Variants in ZBTB7C observed in about 807,000 individuals in gnomAD.
ZBTB7C encodes the protein zinc finger and BTB domain-containing protein 7C.
ZBTB7C carries 8 observed loss-of-function variants against 25.7 expected under a neutral mutation model. The ratio of observed to expected loss-of-function variants is 0.31; its 90% CI spans 0.18 to 0.56. The LOEUF (loss-of-function observed/expected upper bound fraction) is 0.56, where lower values mean the gene tolerates loss of function less well. ZBTB7C is among the 20% of genes least tolerant of loss of function. The pLI, the probability that ZBTB7C is intolerant of heterozygous loss-of-function variation, is 0.91. For missense variants in ZBTB7C, 824 were observed against 855.2 expected, an observed-to-expected ratio of 0.96 and a Z score of 0.46; for synonymous variants, 394 against 369.0, an observed-to-expected ratio of 1.07 and a Z score of -0.78.
At chr18:48,231,596 C>G (rs2043253611) in intron 2 of ZBTB7C, among the ~76,000 whole-genome samples, 1 of 152,202 alleles carries the variant, frequency 6.6e-6, no homozygotes, top group South Asian at 2.1e-4. Flanking sequence ...CCTTGCTCAG[C>G]CTTCACTTGT....
At chr18:48,129,382 G>A (rs1183133142) in intron 3 of ZBTB7C, among the ~76,000 whole-genome samples, 2 of 147,270 alleles carry the variant, frequency 1.4e-5, no homozygotes, top group Non-Finnish European at 3.0e-5. Flanking sequence ...ACATAGCAAT[G>A]CCCAGAAAAC....
intron 3 of ZBTB7C, among the ~76,000 whole-genome samples, chr18:48,083,266 C>T (rs2038059024): frequency 6.6e-6 from 1 of 152,034 alleles, no homozygotes; most frequent in Admixed American, 6.6e-5. Flanking sequence ...TTGAAAAACA[C>T]TGCCTTAAAT....
intron 3 of ZBTB7C, among the ~76,000 whole-genome samples, chr18:48,045,407 T>G (rs903319285): frequency 6.6e-6 from 1 of 152,230 alleles, no homozygotes; most frequent in African/African-American, 2.4e-5. Flanking sequence ...AATAGAGCTG[T>G]GGCTCAATCA....
chr18:48,164,272 G>A (rs988741061), intron 3 of ZBTB7C, among the ~76,000 whole-genome samples: 13 of 152,246 alleles, frequency 8.5e-5, no homozygotes, highest in East Asian at 1.9e-4. Flanking sequence ...GCATGTTCCC[G>A]GTCCCAGCAA....
chr18:48,299,303 C>T (rs567712572), intron 2 of ZBTB7C, among the ~76,000 whole-genome samples: 94 of 152,356 alleles, frequency 6.2e-4, no homozygotes, highest in Non-Finnish European at 8.8e-4. Flanking sequence ...TCCTCACACC[C>T]ATGACATCCT....
At chr18:48,031,512 A>G (rs1291209577) in intron 4 of ZBTB7C, among the ~76,000 whole-genome samples, 1 of 152,008 alleles carries the variant, frequency 6.6e-6, no homozygotes, top group Non-Finnish European at 1.5e-5. Flanking sequence ...TTTCACCTAG[A>G]TGATTGGATT....
At chr18:48,293,486 T>A (rs933698637) in intron 2 of ZBTB7C, among the ~76,000 whole-genome samples, 6 of 152,198 alleles carry the variant, frequency 3.9e-5, no homozygotes, top group Non-Finnish European at 8.8e-5. Context: ...GTCTGGCACT[T>A]AGTATTGTTT....
At chr18:48,354,123 A>T (rs1477604062) in intron 1 of ZBTB7C, among the ~76,000 whole-genome samples, 4 of 152,178 alleles carry the variant, frequency 2.6e-5, no homozygotes, top group African/African-American at 9.6e-5. Context: ...TGTAATTCAC[A>T]TCTGCACACA....
chr18:48,172,954 A>G (rs546113231), intron 3 of ZBTB7C, among the ~76,000 whole-genome samples: 3 of 152,320 alleles, frequency 2.0e-5, no homozygotes, highest in Non-Finnish European at 2.9e-5. Context: ...TGGCACAGCC[A>G]TGAACTCACT....
In ZBTB7C at chr18:48,245,090, G is replaced by GTATATATATATATATATATATATATATA. The variant is rs138848813; in HGVS notation, c.-78-59096_-78-59095insTATATATATATATATATATATATATATA. ...GTGGAAAAAAAAGTAGTGTGTGTGT[G>GTATATATATATATATATATATATATATA]TGTATATATATATACACACACACAC... On this transcript the variant is annotated intron_variant, in intron 2 of 4. Transcript: ENST00000590800. Among the ~76,000 whole-genome samples, 13 of 110,242 alleles carry GTATATATATATATATATATATATATATA rather than the reference G, an allele frequency of 1.2e-4. 1 individual carries two copies. Among genetic ancestry groups the GTATATATATATATATATATATATATATA allele is most frequent in the African/African-American group, 3.7e-4 (9 of 24,486 alleles). The allele number at this position is 110,242 out of a possible 152,430, so 72.3% of individuals were successfully genotyped here.
At chr18:48,291,321 G>T (rs1032380230) in intron 2 of ZBTB7C, among the ~76,000 whole-genome samples, 2 of 152,142 alleles carry the variant, frequency 1.3e-5, no homozygotes, top group Non-Finnish European at 2.9e-5. Flanking sequence ...CTACCTCTGG[G>T]GATATAAAAG....
chr18:48,193,137 CTG>C (rs765136284), intron 2 of ZBTB7C, among the ~76,000 whole-genome samples: 6 of 152,298 alleles, frequency 3.9e-5, no homozygotes, highest in Admixed American at 2.0e-4. Context: ...ATGTTAGAGA[CTG>C]TGTGAGAAAG....
chr18:48,046,700 C>T (rs896192877), intron 3 of ZBTB7C, among the ~76,000 whole-genome samples: 2 of 152,190 alleles, frequency 1.3e-5, no homozygotes, highest in African/African-American at 4.8e-5. Context: ...TGAGAAATGG[C>T]GTGTGGTTGT....
In ZBTB7C at chr18:48,027,376, T is replaced by A. The variant is rs80031218; in HGVS notation, c.*1884A>T. Reference sequence around the variant, plus strand: ...TTCATGTTTCCTTTTTTTTTTTTTTTCCTCTCTTTTAAAGTCTGGTTCAGC... The same window carrying A: ...TTCATGTTTCCTTTTTTTTTTTTTTACCTCTCTTTTAAAGTCTGGTTCAGC... On this transcript the variant is annotated 3_prime_UTR_variant, in exon 5 of 5. Transcript: ENST00000590800. The A allele has an allele frequency of 2.0e-5, 3 of 150,866 alleles. No homozygotes were observed. In the East Asian group the frequency reaches 5.8e-4, roughly 29 times the overall value. 9.3% of individuals were successfully genotyped at this position (150,866 alleles called of 1,614,324 possible). A position where few individuals can be genotyped will look rare whatever the true frequency, so the allele number is the denominator to read the frequency against.
chr18:48,185,070 T>C (rs2042023758), intron 3 of ZBTB7C, among the ~76,000 whole-genome samples: 1 of 152,116 alleles, frequency 6.6e-6, no homozygotes, highest in Non-Finnish European at 1.5e-5. Flanking sequence ...ATCTGGACCA[T>C]TCCTGAAGCC....
intron 3 of ZBTB7C, among the ~76,000 whole-genome samples, chr18:48,084,410 C>A (rs557571526): frequency 2.6e-5 from 4 of 152,294 alleles, no homozygotes; most frequent in African/African-American, 9.6e-5. Context: ...TATTAGGAAG[C>A]GGCCATCTTT....
chr18:48,409,480 AGCCCCGCGCCCCGC>A (rs1006954760), upstream of ZBTB7C: 5 of 143,482 alleles, frequency 3.5e-5, no homozygotes, highest in East Asian at 4.1e-4. Flanking sequence ...CGCGGCTGTC[AGCCCCGCGCCCCGC>A]GCCCCGCGCC....
intron 3 of ZBTB7C, among the ~76,000 whole-genome samples, chr18:48,137,525 T>G (rs911193509): frequency 2.0e-5 from 3 of 152,256 alleles, no homozygotes; most frequent in Admixed American, 2.0e-4. Flanking sequence ...TCTGTCTTTT[T>G]AGAGGCAATT....
intron 2 of ZBTB7C, among the ~76,000 whole-genome samples, chr18:48,189,204 G>A (rs2042135741): frequency 6.6e-6 from 1 of 152,198 alleles, no homozygotes; most frequent in South Asian, 2.1e-4. Flanking sequence ...TATTCCAGGT[G>A]AACGCTCAGT....
Sources: gnomAD v4.1 joint callset for allele counts (sites outside exome capture counted in the v4.1 genomes callset) on GRCh38, gnomAD v4.1.1 for gene constraint, MANE v1.5 for transcripts, NCBI Gene and HGNC (gene_info 2026-07-23, HGNC 2026-07-21) for gene names.